Variants in GLT1D1 observed in about 807,000 individuals in gnomAD.
GLT1D1 encodes the protein glycosyltransferase 1 domain containing 1.
A neutral mutation model predicts 28.7 loss-of-function variants in GLT1D1; 21 were observed. That is an observed-to-expected ratio of 0.73 (90% CI 0.52 to 1.05). GLT1D1 has a LOEUF of 1.05. GLT1D1 is among the 50% of genes least tolerant of loss of function. GLT1D1 has a pLI of 0.00. For synonymous variants in GLT1D1, 147 were observed against 124.8 expected (o/e 1.18, Z -1.19); for missense variants, 343 against 330.6 (o/e 1.04, Z -0.29).
chr12:128,899,548 T>C lies in GLT1D1; in HGVS notation c.375+261T>C, dbSNP rs1363692105. On this transcript the variant is annotated intron_variant, in intron 4 of 7. Coordinates refer to ENST00000281703, the MANE Select transcript of GLT1D1 (RefSeq NM_144669.3). ...GTTGTTGTTGTTGTTTTGTTGCTGT[T>C]TTTTTTTTTTTTTTTTTTTGAGACG... is the stretch of plus-strand genomic sequence containing the variant. Among the ~76,000 whole-genome samples the C allele has an allele frequency of 1.3e-3, 4 of 3,108 alleles. No individual in the cohort carries two copies. In the Admixed American group the frequency reaches 0.018, roughly 14 times the overall value. 2.0% of individuals were successfully genotyped at this position (3,108 alleles called of 152,430 possible).
intron 4 of GLT1D1, among the ~76,000 whole-genome samples, chr12:128,927,367 T>C (rs1301961302): frequency 2.0e-5 from 3 of 152,050 alleles, no homozygotes; most frequent in African/African-American, 7.2e-5. Flanking sequence ...GCCTCCCGAA[T>C]AGCTGGGACT....
chr12:128,940,005 T>C (rs547350463), intron 4 of GLT1D1, among the ~76,000 whole-genome samples: 65 of 152,090 alleles, frequency 4.3e-4, no homozygotes, highest in South Asian at 3.7e-3. Flanking sequence ...TGTGTGCATA[T>C]ATAAGATTAA....
intron 1 of GLT1D1, among the ~76,000 whole-genome samples, chr12:128,858,466 A>G (rs1956279755): frequency 6.6e-6 from 1 of 152,114 alleles, no homozygotes; most frequent in African/African-American, 2.4e-5. Flanking sequence ...GAGGTCAGGC[A>G]TTGGAGACCA....
intron 2 of GLT1D1, among the ~76,000 whole-genome samples, chr12:128,883,790 A>G (rs959024502): frequency 6.6e-6 from 1 of 152,052 alleles, no homozygotes; most frequent in Non-Finnish European, 1.5e-5. Flanking sequence ...ATTTCAGCAA[A>G]TGCTCTTTGA....
intron 4 of GLT1D1, among the ~76,000 whole-genome samples, chr12:128,915,314 C>T (rs528113023): frequency 4.6e-5 from 7 of 151,704 alleles, no homozygotes; most frequent in East Asian, 1.9e-4. Flanking sequence ...TAATTATACA[C>T]GTAGTTAAAT....
At chr12:128,945,428 T>C in intron 5 of GLT1D1, 59 bp downstream of exon 9, 2 of 1,297,698 alleles carry the variant, frequency 1.5e-6, no homozygotes, top group Non-Finnish European at 2.2e-6. Flanking sequence ...GGCCCCTGGG[T>C]TACCTGAACT....
At chr12:128,931,819 G>GT (rs1176126810) in intron 4 of GLT1D1, among the ~76,000 whole-genome samples, 3 of 152,040 alleles carry the variant, frequency 2.0e-5, no homozygotes, top group Non-Finnish European at 2.9e-5. Context: ...AATGTGTGTG[G>GT]TTTTTTAATT....
rs1956979196 is a variant in GLT1D1 at position 128,879,454 on chromosome 12, C to CTTTCT, written c.217+3396_217+3400dup. Among the ~76,000 whole-genome samples the CTTTCT allele has an allele frequency of 3.2e-5, 3 of 94,130 alleles. No homozygotes were observed. The South Asian group carries it at 1.1e-3, about 36-fold the overall frequency. The allele number at this position is 94,130 out of a possible 152,430, so 61.8% of individuals were successfully genotyped here. ...TCTTTCTTTCTTTCTTTCTTTCTTTCTTTCTTTTTTTTGGGGGGGTGGGCA... is the reference window on the plus strand; with the variant it reads ...TCTTTCTTTCTTTCTTTCTTTCTTTCTTTCTTTTCTTTTTTTTGGGGGGGTGGGCA... On this transcript the variant is annotated intron_variant, in intron 2 of 7. Coordinates refer to ENST00000281703, the MANE Select transcript of GLT1D1 (RefSeq NM_144669.3).
At chr12:128,896,417 C>A (rs1433874423) in intron 3 of GLT1D1, among the ~76,000 whole-genome samples, 1 of 151,758 alleles carries the variant, frequency 6.6e-6, no homozygotes. Context: ...CTGAAGAAGC[C>A]AGGGAAAAGC....
rs969610132 is a variant in GLT1D1 at position 128,900,121 on chromosome 12, C to T, written c.375+834C>T. On this transcript the variant is annotated intron_variant, in intron 4 of 7. Transcript: ENST00000281703. ...TTCCCAGTAAGGAGCTATGTGAACGCACCATAGAGCTGGTGCCTGCAAAAC... is the reference window on the plus strand; with the variant it reads ...TTCCCAGTAAGGAGCTATGTGAACGTACCATAGAGCTGGTGCCTGCAAAAC... Among the ~76,000 whole-genome samples the T allele has an allele frequency of 2.6e-5, 4 of 152,146 alleles. No homozygotes were observed. In the South Asian group the frequency reaches 8.3e-4, roughly 32 times the overall value.
At chr12:128,952,469 C>CT (rs1555218596) in intron 6 of GLT1D1, among the ~76,000 whole-genome samples, 54 of 120,634 alleles carry the variant, frequency 4.5e-4, no homozygotes, top group South Asian at 1.1e-3. Context: ...AAATTTCTTT[C>CT]TTTTTTTTTT....
intron 4 of GLT1D1, among the ~76,000 whole-genome samples, 198 bp from the exon 8 acceptor site, chr12:128,926,907 A>G (rs981230385): frequency 1.3e-5 from 2 of 152,246 alleles, no homozygotes; most frequent in Non-Finnish European, 2.9e-5. Flanking sequence ...AATATTGTAG[A>G]AATTCACTTA....
At chr12:128,926,492 A>G (rs1873235639) in intron 4 of GLT1D1, 38 bp downstream of exon 7, 1 of 1,110,282 alleles carries the variant, frequency 9.0e-7, no homozygotes, top group Non-Finnish European at 1.3e-6. Flanking sequence ...TGTTTATAGA[A>G]TTCCTTGTGG....
In GLT1D1 at chr12:128,855,839, GCC is replaced by G. The variant is rs374088034; in HGVS notation, c.68+2195_68+2196del. ...GGGGTCTCAGCTCACTGCAACCTCT[GCC>G]CCCCGGTTCCAGCGATTCTCCTGCC... On this transcript the variant is annotated intron_variant, in intron 1 of 7. Coordinates refer to ENST00000281703, the MANE Select transcript of GLT1D1 (RefSeq NM_144669.3). Among the ~76,000 whole-genome samples the G allele has an allele frequency of 1.7e-3, 232 of 136,722 alleles. 1 individual carries two copies. The highest frequency in any genetic ancestry group is 5.8e-3 in the African/African-American group (208 of 35,948). The allele number at this position is 136,722 out of a possible 152,430, so 89.7% of individuals were successfully genotyped here. A position where few individuals can be genotyped will look rare whatever the true frequency, so the allele number is the denominator to read the frequency against.
chr12:128,909,215 A>G (rs960677390), intron 4 of GLT1D1, among the ~76,000 whole-genome samples: 8 of 151,842 alleles, frequency 5.3e-5, no homozygotes, highest in African/African-American at 1.9e-4. Context: ...TTCCTAGTAA[A>G]AAAAGAAAAG....
At chr12:128,904,696 C>A (rs999316262) in intron 4 of GLT1D1, among the ~76,000 whole-genome samples, 3 of 144,480 alleles carry the variant, frequency 2.1e-5, no homozygotes, top group Admixed American at 6.9e-5. Context: ...TGCAGTAGTG[C>A]GATCTCGGCT....
intron 1 of GLT1D1, among the ~76,000 whole-genome samples, chr12:128,862,410 C>T (rs1956405234): frequency 7.0e-6 from 1 of 143,804 alleles, no homozygotes; most frequent in Admixed American, 6.9e-5. Flanking sequence ...AATCCCAACA[C>T]GTTGGGAGGC....
intron 4 of GLT1D1, among the ~76,000 whole-genome samples, chr12:128,936,475 A>T (rs1221425497): frequency 6.6e-6 from 1 of 152,128 alleles, no homozygotes; most frequent in Non-Finnish European, 1.5e-5. Context: ...TTTCATGCTG[A>T]TGTTACCTTT....
chr12:128,865,210 A>T (rs1485011803), intron 1 of GLT1D1, among the ~76,000 whole-genome samples: 1 of 152,162 alleles, frequency 6.6e-6, no homozygotes, highest in Non-Finnish European at 1.5e-5. Context: ...GTGAACTCCC[A>T]AAGCCCAGCA....
Sources: allele counts gnomAD v4.1 joint callset (sites outside exome capture counted in the v4.1 genomes callset), GRCh38; gene constraint gnomAD v4.1.1; transcripts MANE v1.5; gene names NCBI Gene and HGNC (gene_info 2026-07-23, HGNC 2026-07-21).